XYLT1: variants seen among roughly 807,000 people sequenced by gnomAD.
The protein encoded by XYLT1 is beta-D-xylosyltransferase 1.
In XYLT1, 36 loss-of-function variants were observed where a neutral mutation model predicts 91.3. That is an observed-to-expected ratio of 0.39 (90% CI 0.30 to 0.52). XYLT1 has a LOEUF of 0.52. Ranked by LOEUF, XYLT1 falls within the 20% of genes least tolerant of loss-of-function variation. XYLT1 has a pLI of 0.68. For synonymous variants in XYLT1, 588 were observed against 532.0 expected, an observed-to-expected ratio of 1.11 and a Z score of -1.45; for missense variants, 1,242 against 1,284.5, an observed-to-expected ratio of 0.97 and a Z score of 0.51.
chr16:17,385,727 A>G (rs1293445140), intron 1 of XYLT1, among the ~76,000 whole-genome samples: 1 of 151,904 alleles, frequency 6.6e-6, no homozygotes, highest in Non-Finnish European at 1.5e-5. Flanking sequence ...GACACCTGTA[A>G]TTGATGAGCT....
At position 17,179,524 on chromosome 16, in the gene XYLT1, C is replaced by A. The variant is rs185976515; in HGVS notation, c.1289+18688G>T. Among the ~76,000 whole-genome samples, 513 of 152,314 alleles carry A rather than the reference C, an allele frequency of 3.4e-3. 3 individuals are homozygous for A. Among genetic ancestry groups the A allele is most frequent in the Non-Finnish European group, 5.4e-3 (367 of 68,030 alleles). On this transcript the variant is annotated intron_variant, in intron 5 of 11. Coordinates refer to ENST00000261381, the MANE Select transcript of XYLT1 (RefSeq NM_022166.4). ...TATCCTCTTTCCATGCAATAGTTTT[C>A]CTGGTACTCATTTCTACCTGATATA...
chr16:17,456,976 A>G (rs1320739451), intron 1 of XYLT1, among the ~76,000 whole-genome samples: 1 of 152,106 alleles, frequency 6.6e-6, no homozygotes, highest in Admixed American at 6.6e-5. Context: ...ATCATTCTGA[A>G]AGTTGCAAAC....
chr16:17,284,778 T>C (rs1227250836), intron 2 of XYLT1, among the ~76,000 whole-genome samples: 1 of 152,108 alleles, frequency 6.6e-6, no homozygotes, highest in Admixed American at 6.5e-5. Flanking sequence ...TGAGACTCTG[T>C]CTCTAAAAAT....
In XYLT1 at chr16:17,127,667, T is replaced by A; in HGVS notation, c.2222A>T (p.Glu741Val). 6.2e-7 allele frequency: 1 copy of A among 1,613,112 alleles called. No homozygotes were observed. The highest frequency in any genetic ancestry group is 8.5e-7 in the Non-Finnish European group (1 of 1,179,676). Reference protein sequence around the residue: ...PSDFGRLQFSEVGTDWDAKER... With the variant: ...PSDFGRLQFSVVGTDWDAKER... The stretch of plus-strand genomic sequence containing the variant: ...ATGTGACAAGACCTGGCCTCTTACC[T>A]CGGAAAACTGAAGCCTCCCAAAGTC... The change falls in exon 10 of 12, where the codon GAG (glutamate) becomes GTG (valine). Residue 741 changes from glutamate to valine, a missense_variant and splice_region_variant. By Grantham distance (121) the Glu-to-Val change is moderately radical. Transcript: ENST00000261381.
At chr16:17,289,634 A>T (rs1192773662) in intron 2 of XYLT1, among the ~76,000 whole-genome samples, 1 of 152,158 alleles carries the variant, frequency 6.6e-6, no homozygotes, top group Non-Finnish European at 1.5e-5. Flanking sequence ...CAAATCCAAG[A>T]CCCAACATCA....
chr16:17,247,331 C>T (rs778218670), intron 3 of XYLT1, among the ~76,000 whole-genome samples: 11 of 152,146 alleles, frequency 7.2e-5, no homozygotes, highest in Non-Finnish European at 1.2e-4. Context: ...TCTCCATTCT[C>T]TGCCTTGTTC....
At chr16:17,256,650 AAAAAAAAAAC>A (rs1015711208) in intron 3 of XYLT1, among the ~76,000 whole-genome samples, 1 of 123,070 alleles carries the variant, frequency 8.1e-6, no homozygotes, top group Non-Finnish European at 1.6e-5. Flanking sequence ...CTCCGTCTCG[AAAAAAAAAAC>A]AAAAAAAAGA....
At chr16:17,380,693 A>C (rs1019398406) in intron 1 of XYLT1, among the ~76,000 whole-genome samples, 3 of 152,226 alleles carry the variant, frequency 2.0e-5, no homozygotes, top group Non-Finnish European at 2.9e-5. Flanking sequence ...AGCTATTGGC[A>C]TATCTGTGTT....
At chr16:17,354,864 T>C (rs2141859586) in intron 2 of XYLT1, 2 of 152,360 alleles carry the variant, frequency 1.3e-5, no homozygotes, top group East Asian at 3.9e-4. Flanking sequence ...CACAATGGGC[T>C]GAGGCCAGCA....
intron 2 of XYLT1, among the ~76,000 whole-genome samples, chr16:17,291,242 C>T (rs1215202354): frequency 6.6e-6 from 1 of 152,176 alleles, no homozygotes; most frequent in Non-Finnish European, 1.5e-5. Context: ...TGGACCCAAG[C>T]GATCTTCCTG....
chr16:17,127,666 C>A lies in XYLT1; in HGVS notation c.2223G>T (p.Glu741Asp), dbSNP rs2030307784. The part of the protein sequence containing the change: ...PSDFGRLQFS[E>D]VGTDWDAKER... The stretch of plus-strand genomic sequence containing the variant: ...AATGTGACAAGACCTGGCCTCTTAC[C>A]TCGGAAAACTGAAGCCTCCCAAAGT... The change falls in exon 10 of 12, where the codon GAG (glutamate) becomes GAT (aspartate). Residue 741 changes from glutamate (E) to aspartate (D), a missense_variant and splice_region_variant. Physicochemically the swap from Glu to Asp is conservative, Grantham distance 45 (BLOSUM62 2). Transcript: ENST00000261381. 6.2e-7 allele frequency: 1 copy of A among 1,612,768 alleles called. No homozygotes were observed. The highest frequency in any genetic ancestry group is 1.3e-5 in the African/African-American group (1 of 74,804).
At chr16:17,249,754 G>A (rs530546111) in intron 3 of XYLT1, 18 of 152,176 alleles carry the variant, frequency 1.2e-4, no homozygotes, top group African/African-American at 4.1e-4. Flanking sequence ...CTGCAACCTT[G>A]ACCTCCCGGG....
chr16:17,201,556 C>T (rs140803437), intron 3 of XYLT1, among the ~76,000 whole-genome samples: 1 of 151,264 alleles, frequency 6.6e-6, no homozygotes, highest in Non-Finnish European at 1.5e-5. Flanking sequence ...CTCATTGCAA[C>T]CTCCACCTCT....
At chr16:17,368,442 T>C (rs952301279) in intron 1 of XYLT1, among the ~76,000 whole-genome samples, 1 of 152,176 alleles carries the variant, frequency 6.6e-6, no homozygotes, top group African/African-American at 2.4e-5. Flanking sequence ...TAGACCGCTA[T>C]CATTGGTTAA....
At chr16:17,148,916 C>T (rs1225831695) in intron 6 of XYLT1, among the ~76,000 whole-genome samples, 3 of 152,336 alleles carry the variant, frequency 2.0e-5, no homozygotes, top group African/African-American at 4.8e-5. Flanking sequence ...TGTCTTCTAC[C>T]TGAGGTCAAA....
rs781009217 is a variant in XYLT1, at chr16:17,259,062, A to G, written c.839T>C (p.Ile280Thr). The stretch of plus-strand genomic sequence containing the variant: ...CTTGTGGCGGCAGTAAGTCTCCCCA[A>G]TCTCCTGGCGGCAGTGCTTGGACTT... ...RAKSKHCRQE[I>T]GETYCRHKLG... is the part of the protein sequence containing the mutation. The change falls in exon 3 of 12, where the codon ATT (isoleucine) becomes ACT (threonine). Residue 280 changes from isoleucine to threonine, a missense_variant. By Grantham distance (89) the Ile-to-Thr change is moderately conservative (BLOSUM62 -1). This residue lies in a region of XYLT1 where 437 missense variants were observed against 411.5 expected (regional missense o/e 1.06). Transcript: ENST00000261381. The G allele has an allele frequency of 1.3e-5, 20 of 1,521,358 alleles. No individual in the cohort carries two copies. The highest frequency in any genetic ancestry group is 1.5e-5 in the Non-Finnish European group (17 of 1,135,724). The allele number at this position is 1,521,358 out of a possible 1,614,324, so 94.2% of individuals were successfully genotyped here. A position where few individuals can be genotyped will look rare whatever the true frequency, so the allele number is the denominator to read the frequency against.
intron 2 of XYLT1, among the ~76,000 whole-genome samples, chr16:17,268,779 T>G (rs951120652): frequency 3.3e-5 from 5 of 151,600 alleles, no homozygotes; most frequent in Non-Finnish European, 5.9e-5. Context: ...TTCAAGCGAT[T>G]CTCTTGTCTC....
chr16:17,411,666 T>C (rs1261096682), intron 1 of XYLT1, among the ~76,000 whole-genome samples: 1 of 152,200 alleles, frequency 6.6e-6, no homozygotes, highest in Non-Finnish European at 1.5e-5. Context: ...GGGTGACTTT[T>C]CTGGGACCTC....
At chr16:17,131,165 A>T (rs1181412725) in intron 9 of XYLT1, among the ~76,000 whole-genome samples, 2 of 152,128 alleles carry the variant, frequency 1.3e-5, no homozygotes, top group Non-Finnish European at 1.5e-5. Context: ...GAAGGAGTGA[A>T]AATTCTAGAA....
Sources: gnomAD v4.1 joint callset for allele counts (sites outside exome capture counted in the v4.1 genomes callset) on GRCh38, gnomAD v4.1.1 for gene constraint, gnomAD v4.1.1 regional missense constraint, MANE v1.5 for transcripts, NCBI Gene and HGNC (gene_info 2026-07-23, HGNC 2026-07-21) for gene names.